The following RSRC1 variants were observed in gnomAD, a reference collection of about 807,000 sequenced individuals.
RSRC1 encodes arginine and serine rich coiled-coil 1.
RSRC1 carries 39 observed loss-of-function variants against 49.1 expected under a neutral mutation model. That is an observed-to-expected ratio of 0.79 (90% CI 0.61 to 1.04). RSRC1 has a LOEUF of 1.04. Among genes scored for constraint, RSRC1 ranks in the 50% least tolerant of loss-of-function variants. RSRC1 has a pLI of 0.00. For missense variants in RSRC1, 388 were observed against 402.4 expected (o/e 0.96, Z 0.31); for synonymous variants, 143 against 130.8 (o/e 1.09, Z -0.63).
At chr3:158,294,140 A>G in intron 4 of RSRC1, among the ~76,000 whole-genome samples, 1 of 151,720 alleles carries the variant, frequency 6.6e-6, no homozygotes, top group East Asian at 1.9e-4. Context: ...TCCTTCTAGG[A>G]TTCTTATTAT....
At chr3:158,280,107 A>G (rs1726057415) in intron 4 of RSRC1, among the ~76,000 whole-genome samples, 1 of 152,170 alleles carries the variant, frequency 6.6e-6, no homozygotes, top group African/African-American at 2.4e-5. Flanking sequence ...CTCTTTATTC[A>G]AATTTCCTAG....
At chr3:158,424,871 G>A (rs1448697098) in intron 6 of RSRC1, among the ~76,000 whole-genome samples, 3 of 152,042 alleles carry the variant, frequency 2.0e-5, no homozygotes, top group South Asian at 2.1e-4. Flanking sequence ...TTGCGTAGAC[G>A]TGTTTGTAGT....
At chr3:158,142,009 A>G (rs1348312515) in intron 3 of RSRC1, among the ~76,000 whole-genome samples, 1 of 152,176 alleles carries the variant, frequency 6.6e-6, no homozygotes, top group African/African-American at 2.4e-5. Flanking sequence ...GAGGCAGGAG[A>G]ATCGCTTGAA....
intron 3 of RSRC1, among the ~76,000 whole-genome samples, chr3:158,147,977 C>G (rs1382945641): frequency 2.0e-5 from 3 of 152,128 alleles, no homozygotes; most frequent in Non-Finnish European, 1.5e-5. Flanking sequence ...ATAAAATTTT[C>G]TAAACTCTTA....
chr3:158,137,685 C>T (rs1293580542), intron 3 of RSRC1, among the ~76,000 whole-genome samples: 1 of 140,948 alleles, frequency 7.1e-6, no homozygotes, highest in African/African-American at 2.7e-5. Context: ...TGGAGTCTTG[C>T]ACCTGTCGCC....
At chr3:158,387,103 T>C (rs1733008415) in intron 6 of RSRC1, among the ~76,000 whole-genome samples, 1 of 152,094 alleles carries the variant, frequency 6.6e-6, no homozygotes, top group Non-Finnish European at 1.5e-5. Flanking sequence ...AGTTACAGTT[T>C]TCCAGATATG....
At chr3:158,358,399 T>C (rs1420073896) in intron 6 of RSRC1, among the ~76,000 whole-genome samples, 2 of 152,202 alleles carry the variant, frequency 1.3e-5, no homozygotes, top group Non-Finnish European at 2.9e-5. Context: ...TCATGGCTTA[T>C]TCCATTACCT....
intron 8 of RSRC1, among the ~76,000 whole-genome samples, chr3:158,538,829 C>G (rs2108506885): frequency 6.6e-6 from 1 of 152,056 alleles, no homozygotes; most frequent in African/African-American, 2.4e-5. Flanking sequence ...AGTCACTACA[C>G]TTCAAAATGA....
intron 5 of RSRC1, among the ~76,000 whole-genome samples, chr3:158,334,800 A>G (rs531309585): frequency 5.3e-5 from 8 of 152,128 alleles, no homozygotes; most frequent in South Asian, 4.2e-4. Flanking sequence ...GATTACAATC[A>G]TGAGCCACTG....
chr3:158,231,206 C>T (rs1722931512), intron 4 of RSRC1, among the ~76,000 whole-genome samples: 1 of 125,092 alleles, frequency 8.0e-6, no homozygotes, highest in Admixed American at 1.0e-4. Context: ...TGCAGTCGTG[C>T]AATCTCAGCT....
intron 6 of RSRC1, among the ~76,000 whole-genome samples, chr3:158,380,943 A>AT (rs141024992): frequency 8.6e-5 from 13 of 151,568 alleles, no homozygotes; most frequent in Non-Finnish European, 1.6e-4. Context: ...TTATACAAGG[A>AT]TTTTTTTTTA....
At chr3:158,489,188 G>T (rs1022257214) in intron 7 of RSRC1, among the ~76,000 whole-genome samples, 4 of 152,124 alleles carry the variant, frequency 2.6e-5, no homozygotes, top group African/African-American at 9.7e-5. Context: ...TTTTCCTTCA[G>T]CCTTAATTTT....
chr3:158,246,511 T>C lies in RSRC1; in HGVS notation c.494+43266T>C, dbSNP rs112592178. 8.9e-3 allele frequency among the ~76,000 whole-genome samples: 1,356 copies of C among 152,310 alleles called. 20 individuals carry two copies. The highest frequency in any genetic ancestry group is 0.032 in the African/African-American group (1,319 of 41,560). ...TACTTAAGTGTGTTTTTGTTGTTGC[T>C]GGTAATAGTTTGTCCTTTCCATATG... On this transcript the variant is annotated intron_variant, in intron 4 of 9. Coordinates refer to ENST00000611884, the MANE Select transcript of RSRC1 (RefSeq NM_001271838.2).
At chr3:158,507,546 C>T (rs1438261600) in intron 7 of RSRC1, among the ~76,000 whole-genome samples, 1 of 151,888 alleles carries the variant, frequency 6.6e-6, no homozygotes, top group Non-Finnish European at 1.5e-5. Flanking sequence ...TCAGGGCTCA[C>T]AGGGCAGGTT....
At chr3:158,328,798 G>T (rs1297295826) in intron 5 of RSRC1, among the ~76,000 whole-genome samples, 2 of 152,074 alleles carry the variant, frequency 1.3e-5, no homozygotes, top group Non-Finnish European at 2.9e-5. Flanking sequence ...TGCTAGGGTG[G>T]GAAAGTTCTC....
chr3:158,186,980 T>A (rs1296307238), intron 3 of RSRC1, among the ~76,000 whole-genome samples: 1 of 151,936 alleles, frequency 6.6e-6, no homozygotes, highest in African/African-American at 2.4e-5. Context: ...AAATCTTTAT[T>A]TTCTGTTTTA....
intron 7 of RSRC1, among the ~76,000 whole-genome samples, chr3:158,467,000 A>C (rs1737921009): frequency 6.6e-6 from 1 of 152,176 alleles, no homozygotes; most frequent in Non-Finnish European, 1.5e-5. Context: ...TCGAGGTTCC[A>C]TTGAGCTGGA....
intron 3 of RSRC1, among the ~76,000 whole-genome samples, chr3:158,200,231 G>T (rs774993563): frequency 1.2e-4 from 18 of 152,004 alleles, no homozygotes; most frequent in Non-Finnish European, 2.2e-4. Context: ...GTAGAGACAG[G>T]GTTTCACCAT....
chr3:158,381,452 T>C (rs1578409311), intron 6 of RSRC1, among the ~76,000 whole-genome samples: 1 of 152,352 alleles, frequency 6.6e-6, no homozygotes, highest in East Asian at 1.9e-4. Context: ...TTTTTCATTG[T>C]GTTTATTGCA....
Sources: gnomAD v4.1 joint callset for allele counts (sites outside exome capture counted in the v4.1 genomes callset) on GRCh38, gnomAD v4.1.1 for gene constraint, MANE v1.5 for transcripts, NCBI Gene and HGNC (gene_info 2026-07-23, HGNC 2026-07-21) for gene names.